The following RBFOX1 variants were observed in gnomAD, a reference collection of about 807,000 sequenced individuals.
RBFOX1 encodes the protein RNA binding protein fox-1 homolog 1.
A neutral mutation model predicts 57.7 loss-of-function variants in RBFOX1; 8 were observed. The observed-to-expected ratio is 0.14, with a 90% CI of 0.08 to 0.25. RBFOX1 has a LOEUF of 0.25. Ranked by LOEUF, RBFOX1 falls within the 10% of genes least tolerant of loss-of-function variation. RBFOX1 has a pLI of 1.00. For missense variants in RBFOX1, 611 were observed against 548.5 expected (o/e 1.11, Z -1.14); for synonymous variants, 326 against 222.4 (o/e 1.47, Z -4.15).
At chr16:6,619,607 A>G (rs979102264) in intron 2 of RBFOX1, among the ~76,000 whole-genome samples, 5 of 151,568 alleles carry the variant, frequency 3.3e-5, no homozygotes, top group African/African-American at 1.2e-4. Flanking sequence ...AGGGTAGGAG[A>G]CTGCCTTTTT....
chr16:7,456,908 T>G (rs1369846939), intron 4 of RBFOX1, among the ~76,000 whole-genome samples: 1 of 148,152 alleles, frequency 6.7e-6, no homozygotes, highest in Non-Finnish European at 1.5e-5. Context: ...TTTTTTTTTT[T>G]GAAACGGAGT....
intron 3 of RBFOX1, among the ~76,000 whole-genome samples, chr16:6,848,199 G>T (rs1350247236): frequency 6.6e-6 from 1 of 151,960 alleles, no homozygotes; most frequent in Non-Finnish European, 1.5e-5. Context: ...GGGTGATACA[G>T]CAAGTGGCGA....
intron 2 of RBFOX1, among the ~76,000 whole-genome samples, chr16:6,504,597 C>T (rs1037032097): frequency 4.6e-5 from 7 of 152,166 alleles, no homozygotes; most frequent in Non-Finnish European, 8.8e-5. Flanking sequence ...TCTTATTTGA[C>T]ACCTCATGTT....
intron 1 of RBFOX1, among the ~76,000 whole-genome samples, chr16:5,406,364 G>A (rs551117859): frequency 6.6e-6 from 1 of 152,074 alleles, no homozygotes; most frequent in African/African-American, 2.4e-5. Flanking sequence ...GGGAGAGTTA[G>A]CTCTGACTGC....
At chr16:6,734,738 T>G (rs2069639958) in intron 3 of RBFOX1, among the ~76,000 whole-genome samples, 1 of 152,204 alleles carries the variant, frequency 6.6e-6, no homozygotes, top group African/African-American at 2.4e-5. Context: ...CTCCTTTCTT[T>G]TCCTCCTTTT....
At chr16:5,539,577 G>A (rs1433015629) in intron 2 of RBFOX1, among the ~76,000 whole-genome samples, 1 of 151,698 alleles carries the variant, frequency 6.6e-6, no homozygotes, top group Non-Finnish European at 1.5e-5. Flanking sequence ...CCCCAGCCTG[G>A]GCAATAGAGC....
chr16:5,538,867 C>G (rs977448281), intron 2 of RBFOX1, among the ~76,000 whole-genome samples: 8 of 152,060 alleles, frequency 5.3e-5, no homozygotes, highest in Non-Finnish European at 7.4e-5. Flanking sequence ...ACATCATGAT[C>G]TGCCCACCTC....
At chr16:5,900,956 T>C (rs2058291739) in intron 4 of RBFOX1, among the ~76,000 whole-genome samples, 1 of 152,220 alleles carries the variant, frequency 6.6e-6, no homozygotes, top group African/African-American at 2.4e-5. Flanking sequence ...GCAGTGGCTC[T>C]ATCTCAGAGG....
At chr16:5,802,425 G>A (rs984090535) in intron 3 of RBFOX1, among the ~76,000 whole-genome samples, 12 of 152,100 alleles carry the variant, frequency 7.9e-5, no homozygotes, top group Non-Finnish European at 1.5e-4. Context: ...TAGCTGCTGA[G>A]GTCCCTTGTA....
intron 1 of RBFOX1, among the ~76,000 whole-genome samples, chr16:6,107,387 A>G (rs1031749878): frequency 2.0e-5 from 3 of 152,046 alleles, no homozygotes; most frequent in Non-Finnish European, 4.4e-5. Context: ...TCTTATCCAC[A>G]TGCTCAGGGT....
intron 3 of RBFOX1, among the ~76,000 whole-genome samples, chr16:6,911,116 G>T (rs563867707): frequency 1.3e-5 from 2 of 151,540 alleles, no homozygotes; most frequent in Admixed American, 6.6e-5. Flanking sequence ...CAGGACAATC[G>T]CTGGAACCTG....
chr16:6,865,386 CAAAG>C (rs1230259360), intron 3 of RBFOX1, among the ~76,000 whole-genome samples: 3 of 152,044 alleles, frequency 2.0e-5, no homozygotes, highest in African/African-American at 7.2e-5. Context: ...CAGAAAAACA[CAAAG>C]AAGAAAAATC....
chr16:6,849,344 A>G (rs2093941501), intron 3 of RBFOX1, among the ~76,000 whole-genome samples: 1 of 152,230 alleles, frequency 6.6e-6, no homozygotes, highest in Non-Finnish European at 1.5e-5. Flanking sequence ...TGACAAAAGT[A>G]GAAAAAATAT....
intron 3 of RBFOX1, among the ~76,000 whole-genome samples, chr16:5,612,263 A>G (rs546970554): frequency 1.3e-5 from 2 of 150,162 alleles, no homozygotes; most frequent in South Asian, 2.1e-4. Context: ...CCATCCATCC[A>G]TCTACTCTCC....
intron 4 of RBFOX1, among the ~76,000 whole-genome samples, chr16:7,368,946 A>C (rs1201935011): frequency 1.3e-5 from 2 of 151,996 alleles, no homozygotes; most frequent in South Asian, 4.2e-4. Flanking sequence ...ATGAGAAGGG[A>C]GGTGAATCTT....
At chr16:6,758,157 A>T (rs886112881) in intron 3 of RBFOX1, among the ~76,000 whole-genome samples, 2 of 152,104 alleles carry the variant, frequency 1.3e-5, no homozygotes, top group Non-Finnish European at 2.9e-5. Context: ...GTCAGACTTC[A>T]GGTACTGTCC....
At chr16:7,145,159 C>T (rs182095225) in intron 4 of RBFOX1, among the ~76,000 whole-genome samples, 23 of 152,254 alleles carry the variant, frequency 1.5e-4, no homozygotes, top group African/African-American at 5.5e-4. Flanking sequence ...GGGTACCATC[C>T]CAATCATTTC....
chr16:7,263,044 G>C (rs79586687), intron 4 of RBFOX1, among the ~76,000 whole-genome samples: 61 of 152,294 alleles, frequency 4.0e-4, no homozygotes, highest in East Asian at 2.3e-3. Flanking sequence ...TGGAATGACT[G>C]TTCTCTCCTC....
In RBFOX1 at chr16:7,318,967, C is replaced by T. The variant is rs537701092; in HGVS notation, c.28-199180C>T. Among the ~76,000 whole-genome samples the T allele has an allele frequency of 8.0e-4, 122 of 152,252 alleles. 1 individual carries two copies. The highest frequency in any genetic ancestry group is 2.7e-3 in the African/African-American group (113 of 41,532). The stretch of plus-strand genomic sequence containing the variant: ...AATAGCGCCTGCAAATGTTAGGTCC[C>T]AGTGGGAGTATGGGAACATATGGGA... On this transcript the variant is annotated intron_variant, in intron 4 of 15. Transcript: ENST00000550418.
Sources: allele counts gnomAD v4.1 joint callset (sites outside exome capture counted in the v4.1 genomes callset), GRCh38; gene constraint gnomAD v4.1.1; transcripts MANE v1.5; gene names NCBI Gene and HGNC (gene_info 2026-07-23, HGNC 2026-07-21).